MYZAP: variants seen among roughly 807,000 people sequenced by gnomAD.
The protein encoded by MYZAP is GRINL1A complex locus upstream.
Under a neutral mutation model 69.4 loss-of-function variants are expected in MYZAP, and 66 were observed. The observed-to-expected ratio is 0.95, with a 90% CI of 0.78 to 1.17. MYZAP has a LOEUF of 1.17. MYZAP is among the 50% of genes most tolerant of loss of function. The pLI, the probability that MYZAP is intolerant of heterozygous loss-of-function variation, is 0.00. For synonymous variants in MYZAP, 256 were observed against 205.9 expected, an observed-to-expected ratio of 1.24 and a Z score of -2.09; for missense variants, 611 against 556.2, an observed-to-expected ratio of 1.10 and a Z score of -0.99.
At chr15:57,606,162 C>G (rs1451673230) in intron 2 of MYZAP, among the ~76,000 whole-genome samples, 10 of 152,134 alleles carry the variant, frequency 6.6e-5, no homozygotes, top group Admixed American at 6.5e-4. Context: ...ATTACTGATT[C>G]TAAAGGGACA....
intron 10 of MYZAP, among the ~76,000 whole-genome samples, chr15:57,641,818 G>T (rs1242098285): frequency 6.6e-6 from 1 of 152,134 alleles, no homozygotes; most frequent in African/African-American, 2.4e-5. Context: ...TTTTTTAAAA[G>T]TTAGAAACAT....
chr15:57,592,040 G>A lies in MYZAP; in HGVS notation c.6G>A (p.Leu2=). 1 of 1,436,678 alleles carries A rather than the reference G, an allele frequency of 7.0e-7. No homozygotes were observed. The highest frequency in any genetic ancestry group is 3.0e-5 in the East Asian group (1 of 32,848). 89.0% of individuals were successfully genotyped at this position (1,436,678 alleles called of 1,614,324 possible). Reference sequence around the variant, plus strand: ...CTACCGACCGCCGCTGCGGGATGCTGCGCTCCACGTCCACGGTCACCCTGC... The same window carrying A: ...CTACCGACCGCCGCTGCGGGATGCTACGCTCCACGTCCACGGTCACCCTGC... M[L]RSTSTVTLLS... is the part of the protein sequence containing the mutation. Residue 2 remains leucine (L), a synonymous_variant, in exon 1 of 13, where the codon CTG becomes CTA. Transcript: ENST00000267853.
In MYZAP at chr15:57,657,906, C is replaced by T. The variant is rs180967721; in HGVS notation, c.1120-3544C>T. Among the ~76,000 whole-genome samples, 340 of 152,234 alleles carry T rather than the reference C, an allele frequency of 2.2e-3. 2 individuals carry two copies. Among genetic ancestry groups the T allele is most frequent in the African/African-American group, 7.3e-3 (304 of 41,540 alleles). On this transcript the variant is annotated intron_variant, in intron 10 of 12. Transcript: ENST00000267853. Reference sequence around the variant, plus strand: ...GAGCTGCCCCTCCCAGTCCTGCCAACGCTCATTTCTTCAGTCAATAGTTTT... The same window carrying T: ...GAGCTGCCCCTCCCAGTCCTGCCAATGCTCATTTCTTCAGTCAATAGTTTT...
chr15:57,621,918 C>T (rs550132703), intron 4 of MYZAP, among the ~76,000 whole-genome samples: 82 of 152,276 alleles, frequency 5.4e-4, no homozygotes, highest in Admixed American at 9.2e-4. Flanking sequence ...AAAGCATTCT[C>T]ACCAAAGTCA....
At chr15:57,646,363 G>T in intron 10 of MYZAP, 1 of 1,178,454 alleles carries the variant, frequency 8.5e-7, no homozygotes. Flanking sequence ...GCTCTTGTTT[G>T]TGAAAACACC....
chr15:57,632,849 C>T (rs1250908883), intron 7 of MYZAP, among the ~76,000 whole-genome samples: 9 of 152,148 alleles, frequency 5.9e-5, no homozygotes, highest in East Asian at 3.9e-4. Flanking sequence ...TGGGCTTGCC[C>T]GCAGCTGTGC....
In MYZAP at chr15:57,675,017, A is replaced by G; in HGVS notation, c.1253A>G (p.Lys418Arg). 4 of 1,613,766 alleles carry G rather than the reference A, an allele frequency of 2.5e-6. No individual in the cohort carries two copies. Among genetic ancestry groups the G allele is most frequent in the Non-Finnish European group, 3.4e-6 (4 of 1,179,642 alleles). Reference protein sequence around the residue: ...RLDYLTETQAKTEVETREIGV... With the variant: ...RLDYLTETQARTEVETREIGV... ...GACTATTTAACAGAAACCCAGGCCA[A>G]GACCGAAGTGGAAACCAGAGAGATA... Residue 418 changes from lysine to arginine, a missense_variant, in exon 12 of 13, where the codon AAG (lysine) becomes AGG (arginine). By Grantham distance (26) the Lys-to-Arg change is conservative. Transcript: ENST00000267853.
At chr15:57,617,135 C>T (rs1000269623) in intron 2 of MYZAP, among the ~76,000 whole-genome samples, 1 of 152,012 alleles carries the variant, frequency 6.6e-6, no homozygotes, top group African/African-American at 2.4e-5. Context: ...AATCACAGAG[C>T]CAGGCTTGAA....
intron 12 of MYZAP, among the ~76,000 whole-genome samples, chr15:57,682,985 T>A (rs1164184129): frequency 1.4e-4 from 22 of 152,144 alleles, no homozygotes; most frequent in Admixed American, 9.8e-4. Context: ...CTCATTTTGT[T>A]CAGGTCATGG....
chr15:57,614,646 C>T (rs1428773634), intron 2 of MYZAP, among the ~76,000 whole-genome samples: 1 of 152,172 alleles, frequency 6.6e-6, no homozygotes, highest in Admixed American at 6.5e-5. Flanking sequence ...AAGAGCCCCC[C>T]ATCCTGGGCC....
intron 11 of MYZAP, among the ~76,000 whole-genome samples, chr15:57,674,670 G>T (rs1414364857): frequency 1.3e-5 from 2 of 152,198 alleles, no homozygotes; most frequent in Non-Finnish European, 2.9e-5. Context: ...AATATAGATG[G>T]AAAGATAGCT....
intron 11 of MYZAP, among the ~76,000 whole-genome samples, chr15:57,663,239 C>T (rs1166756843): frequency 6.6e-6 from 1 of 150,620 alleles, no homozygotes; most frequent in Non-Finnish European, 1.5e-5. Context: ...GCTGCTAAAG[C>T]AAGCTCTCCT....
chr15:57,684,566 G>A lies in MYZAP; in HGVS notation c.*68G>A. The A allele has an allele frequency of 9.9e-7, 1 of 1,010,594 alleles. No homozygotes were observed. The highest frequency in any genetic ancestry group is 1.5e-6 in the Non-Finnish European group (1 of 657,284). The allele number at this position is 1,010,594 out of a possible 1,614,324, so 62.6% of individuals were successfully genotyped here. On this transcript the variant is annotated 3_prime_UTR_variant, in exon 13 of 13. Coordinates refer to ENST00000267853, the MANE Select transcript of MYZAP (RefSeq NM_001018100.5). ...GGAACCCTGTGGCTTCAAATCCTTT[G>A]GGAAGGGTGACTGTTGTTTCCCCTA...
rs369885749 is a variant in MYZAP at position 57,621,678 on chromosome 15, G to A, written c.389G>A (p.Arg130Gln). The change falls in exon 4 of 13, where the codon CGA becomes CAA. Residue 130 changes from arginine to glutamine, a missense_variant. Coordinates refer to ENST00000267853, the MANE Select transcript of MYZAP (RefSeq NM_001018100.5). ...TATGATGAGATGAGACAGAAGATTC[G>A]ACAGCTCACCCAGGAACTATCAGTA... is the stretch of plus-strand genomic sequence containing the variant. Reference protein sequence around the residue: ...GDYDEMRQKIRQLTQELSVSH... With the variant: ...GDYDEMRQKIQQLTQELSVSH... The A allele has an allele frequency of 4.3e-6, 7 of 1,613,842 alleles. No individual in the cohort carries two copies. The highest frequency in any genetic ancestry group is 1.1e-5 in the South Asian group (1 of 91,058).
chr15:57,625,966 A>G lies in MYZAP; in HGVS notation c.525+74A>G, dbSNP rs182507923. On this transcript the variant is annotated intron_variant, in intron 5 of 12. Transcript: ENST00000267853. ...GTGGGGACTGTGCCTTTGCAGAAAA[A>G]TAAGTCACAGAACATCCTTAGCTCA... 448 of 1,324,598 alleles carry G rather than the reference A, an allele frequency of 3.4e-4. 5 individuals carry two copies. In the African/African-American group the frequency reaches 5.3e-3, roughly 16 times the overall value. 82.1% of individuals were successfully genotyped at this position (1,324,598 alleles called of 1,614,324 possible).
Position 57,637,745 on chromosome 15 carries a change from T to C in MYZAP, c.984T>C (p.Ser328=), listed in dbSNP as rs1329237145. The C allele has an allele frequency of 6.2e-7, 1 of 1,612,666 alleles. No individual in the cohort carries two copies. Among genetic ancestry groups the C allele is most frequent in the Non-Finnish European group, 8.5e-7 (1 of 1,179,344 alleles). Residue 328 remains serine, a synonymous_variant, in exon 9 of 13, where the codon TCT becomes TCC. Transcript: ENST00000267853. ...TCCTAGAACATGAAACAGAAATGTC[T>C]GGGGAGTTAACTGATTCTGACAAGG... ...LQLLEHETEM[S]GELTDSDKER...
At chr15:57,667,090 G>T (rs1199450464) in intron 11 of MYZAP, among the ~76,000 whole-genome samples, 1 of 152,176 alleles carries the variant, frequency 6.6e-6, no homozygotes, top group African/African-American at 2.4e-5. Context: ...GGAGTCAAAT[G>T]TCTTGGTTTT....
At chr15:57,647,877 A>G in intron 10 of MYZAP, 2 of 985,280 alleles carry the variant, frequency 2.0e-6, no homozygotes, top group Non-Finnish European at 2.4e-6. Flanking sequence ...GTACTGTGAT[A>G]TGGTGTGAAC....
intron 6 of MYZAP, 98 bp downstream of exon 6, chr15:57,629,952 C>G (rs1381539386): frequency 4.2e-5 from 58 of 1,385,548 alleles, no homozygotes; most frequent in Non-Finnish European, 5.3e-5. Context: ...TTCCTTTTCT[C>G]CATTCTCTTC....
Sources: allele counts gnomAD v4.1 joint callset (sites outside exome capture counted in the v4.1 genomes callset), GRCh38; gene constraint gnomAD v4.1.1; transcripts MANE v1.5; gene names NCBI Gene and HGNC (gene_info 2026-07-23, HGNC 2026-07-21).